The following RPS6KC1 variants were observed in gnomAD, a reference collection of about 807,000 sequenced individuals.
RPS6KC1 encodes inactive ribosomal protein S6 kinase delta-1.
Under a neutral mutation model 103.8 loss-of-function variants are expected in RPS6KC1, and 54 were observed. The observed-to-expected ratio is 0.52, with a 90% confidence interval of 0.42 to 0.65. RPS6KC1 has a LOEUF of 0.65. Among genes scored for constraint, RPS6KC1 ranks in the 30% least tolerant of loss-of-function variants. The probability of loss-of-function intolerance (pLI) is 0.00; values close to 1 mark genes in which losing one functional copy is unlikely to be tolerated. For missense variants in RPS6KC1, 1,151 were observed against 1,253.8 expected (o/e 0.92, Z 1.24); for synonymous variants, 439 against 438.7 (o/e 1.00, Z -0.01).
At chr1:213,619,579 C>G in the RPS6KC1 span, among the ~76,000 whole-genome samples, 1 of 152,196 alleles carries the variant, frequency 6.6e-6, no homozygotes, top group Non-Finnish European at 1.5e-5. Flanking sequence ...CTCACTAATT[C>G]AGCCTTGGAG....
chr1:213,540,342 T>TATTG, the RPS6KC1 span, among the ~76,000 whole-genome samples: 3 of 152,090 alleles, frequency 2.0e-5, no homozygotes, highest in Non-Finnish European at 4.4e-5. Flanking sequence ...ATGTGAGCAA[T>TATTG]ATTGATTGAT....
At chr1:213,099,947 T>C (rs2081864394) in intron 3 of RPS6KC1, among the ~76,000 whole-genome samples, 1 of 152,222 alleles carries the variant, frequency 6.6e-6, no homozygotes, top group East Asian at 1.9e-4. Context: ...TAAACATCTT[T>C]ATATGGACAT....
chr1:213,614,135 T>G, the RPS6KC1 span, among the ~76,000 whole-genome samples: 1 of 152,138 alleles, frequency 6.6e-6, no homozygotes, highest in Non-Finnish European at 1.5e-5. Flanking sequence ...GCTACAATAG[T>G]AGCTGAGGAT....
the RPS6KC1 span, among the ~76,000 whole-genome samples, chr1:213,388,284 A>T: frequency 6.6e-6 from 1 of 152,234 alleles, no homozygotes; most frequent in Admixed American, 6.5e-5. Context: ...ACAGAAGGGC[A>T]CGAAGACGTG....
the RPS6KC1 span, chr1:213,794,616 G>A: frequency 6.6e-6 from 1 of 152,148 alleles, no homozygotes; most frequent in Non-Finnish European, 1.5e-5. Flanking sequence ...TGACAAGGAT[G>A]GATTTCTAAA....
the RPS6KC1 span, among the ~76,000 whole-genome samples, chr1:213,766,213 A>G: frequency 2.0e-5 from 3 of 152,184 alleles, no homozygotes; most frequent in African/African-American, 7.2e-5. Flanking sequence ...AGGCTTGTTT[A>G]ACGTTTTATT....
At chr1:213,825,414 G>A in the RPS6KC1 span, among the ~76,000 whole-genome samples, 1 of 152,224 alleles carries the variant, frequency 6.6e-6, no homozygotes, top group Non-Finnish European at 1.5e-5. Flanking sequence ...GAGGGAGCAG[G>A]GAGGGAGAAA....
At chr1:213,299,248 G>A in the RPS6KC1 span, among the ~76,000 whole-genome samples, 1 of 152,166 alleles carries the variant, frequency 6.6e-6, no homozygotes, top group Non-Finnish European at 1.5e-5. Flanking sequence ...TTGCAGTGCT[G>A]TCTAATTAAA....
chr1:213,466,886 C>T, the RPS6KC1 span, among the ~76,000 whole-genome samples: 49 of 152,226 alleles, frequency 3.2e-4, no homozygotes, highest in Non-Finnish European at 5.6e-4. Flanking sequence ...CCTAAATGAC[C>T]ATGTGTCCTG....
the RPS6KC1 span, among the ~76,000 whole-genome samples, chr1:213,309,176 T>G: frequency 1.3e-5 from 2 of 151,916 alleles, no homozygotes; most frequent in South Asian, 2.1e-4. Flanking sequence ...ACGCCTGTAG[T>G]CCCAGCTACT....
the RPS6KC1 span, among the ~76,000 whole-genome samples, chr1:213,486,718 G>A: frequency 7.2e-5 from 11 of 152,288 alleles, no homozygotes; most frequent in East Asian, 1.7e-3. Flanking sequence ...CTTTCTTCCT[G>A]CTCCTTAATT....
the RPS6KC1 span, among the ~76,000 whole-genome samples, chr1:213,782,722 A>C: frequency 6.6e-6 from 1 of 152,208 alleles, no homozygotes. Flanking sequence ...CATGCACAAA[A>C]GCAACGAGGT....
intron 8 of RPS6KC1, among the ~76,000 whole-genome samples, chr1:213,218,196 G>A (rs1177313773): frequency 3.3e-5 from 5 of 152,086 alleles, no homozygotes; most frequent in Non-Finnish European, 7.4e-5. Flanking sequence ...CAAAATCAAT[G>A]TGCAAAAATC....
the RPS6KC1 span, among the ~76,000 whole-genome samples, chr1:213,602,182 C>CTTTCTTTCTTT: frequency 1.0e-5 from 1 of 97,732 alleles, no homozygotes; most frequent in African/African-American, 4.5e-5. Context: ...TTCTTTCTTT[C>CTTTCTTTCTTT]TTTCTTTTTC....
chr1:213,741,211 T>G, the RPS6KC1 span, among the ~76,000 whole-genome samples: 1 of 151,852 alleles, frequency 6.6e-6, no homozygotes, highest in Non-Finnish European at 1.5e-5. Context: ...ATCAAACTAT[T>G]AATATATTCA....
chr1:213,348,435 AG>A, the RPS6KC1 span, among the ~76,000 whole-genome samples: 29 of 152,350 alleles, frequency 1.9e-4, no homozygotes, highest in Admixed American at 1.6e-3. Context: ...AAGTCTTTCA[AG>A]GGTGCTCTGC....
chr1:213,348,450 A>G, the RPS6KC1 span, among the ~76,000 whole-genome samples: 1 of 152,156 alleles, frequency 6.6e-6, no homozygotes, highest in African/African-American at 2.4e-5. Flanking sequence ...GCTCTGCAAA[A>G]CTGTTCTTGC....
At chr1:213,822,683 C>T in the RPS6KC1 span, among the ~76,000 whole-genome samples, 1 of 152,172 alleles carries the variant, frequency 6.6e-6, no homozygotes, top group Non-Finnish European at 1.5e-5. Flanking sequence ...AGCACAACCC[C>T]ACTCCTCTGG....
rs531428577 is a variant in RPS6KC1, at chr1:213,089,877, C to T, written c.262+12061C>T. 5.8e-4 allele frequency among the ~76,000 whole-genome samples: 89 copies of T among 152,308 alleles called. 1 individual carries two copies. The highest frequency in any genetic ancestry group is 2.0e-3 in the African/African-American group (82 of 41,558). ...TATTTATATGTCAGGCGCGGTCCTA[C>T]GTGCTGAAGATACATTCATAAGACT... is the stretch of plus-strand genomic sequence containing the variant. On this transcript the variant is annotated intron_variant, in intron 3 of 14. Transcript: ENST00000366960.
Sources: gnomAD v4.1 joint callset for allele counts (sites outside exome capture counted in the v4.1 genomes callset) on GRCh38, gnomAD v4.1.1 for gene constraint, MANE v1.5 for transcripts, NCBI Gene and HGNC (gene_info 2026-07-23, HGNC 2026-07-21) for gene names.